Variants in MAP3K20 observed in about 807,000 individuals in gnomAD.
MAP3K20 encodes mitogen-activated protein kinase kinase kinase 20, also known as HCCS-4.
MAP3K20 carries 40 observed loss-of-function variants against 85.7 expected under a neutral mutation model. That is an observed-to-expected ratio of 0.47 (90% CI 0.36 to 0.61). MAP3K20 has a LOEUF of 0.61. Ranked by LOEUF, MAP3K20 falls within the 20% of genes least tolerant of loss-of-function variation. MAP3K20 has a pLI of 0.00. For synonymous variants in MAP3K20, 325 were observed against 327.7 expected (o/e 0.99, Z 0.09); for missense variants, 817 against 961.7 (o/e 0.85, Z 1.99).
At chr2:173,223,711 A>C (rs1236047445) in intron 11 of MAP3K20, 1 of 985,346 alleles carries the variant, frequency 1.0e-6, no homozygotes, top group African/African-American at 1.7e-5. Flanking sequence ...TCTCCCTAAA[A>C]GATGGATTCC....
chr2:173,209,654 G>T (rs1683813354), intron 9 of MAP3K20, 75 bp from the exon 10 acceptor site: 2 of 1,219,076 alleles, frequency 1.6e-6, no homozygotes, highest in Non-Finnish European at 2.3e-6. Flanking sequence ...TACTATGCTT[G>T]TAGTATCTAC....
rs371355803 is a variant in MAP3K20 at position 173,201,984 on chromosome 2, C to T, written c.670-1812C>T. On this transcript the variant is annotated intron_variant, in intron 8 of 19. Transcript: ENST00000375213. ...ATTCAGCCAGCTCACATTCAGTTCT[C>T]AGGAAAATGTTGAGACACAGTTGTA... 4.9e-4 allele frequency among the ~76,000 whole-genome samples: 74 copies of T among 152,272 alleles called. 1 individual carries two copies. The South Asian group carries it at 7.9e-3, about 16-fold the overall frequency.
intron 2 of MAP3K20, among the ~76,000 whole-genome samples, chr2:173,106,936 G>A (rs960921051): frequency 2.0e-5 from 3 of 151,992 alleles, no homozygotes; most frequent in Non-Finnish European, 4.4e-5. Flanking sequence ...TTGTGACTGC[G>A]GCAGGGTGAA....
chr2:173,210,857 C>T (rs542712541), intron 10 of MAP3K20: 1 of 152,230 alleles, frequency 6.6e-6, no homozygotes, highest in East Asian at 1.9e-4. Flanking sequence ...CTAGATACTT[C>T]TTTGGGCTTT....
intron 11 of MAP3K20, chr2:173,226,037 G>A (rs773440324): frequency 3.5e-5 from 34 of 985,242 alleles, no homozygotes; most frequent in South Asian, 4.7e-5. Context: ...GTGAAAAGAC[G>A]TTGAAAGCCT....
intron 2 of MAP3K20, among the ~76,000 whole-genome samples, chr2:173,130,903 C>G (rs939548787): frequency 6.6e-6 from 1 of 152,166 alleles, no homozygotes; most frequent in South Asian, 2.1e-4. Context: ...TAGGATCTAT[C>G]AAAATTCTAC....
chr2:173,232,597 G>A, intron 14 of MAP3K20, 138 bp downstream of exon 14: 2 of 1,293,906 alleles, frequency 1.5e-6, no homozygotes, highest in Non-Finnish European at 2.1e-6. Flanking sequence ...TCCGCCTCCT[G>A]GGTTCAAGTG....
rs1350388554 is a variant in MAP3K20, at chr2:173,191,258, T to C, written c.582+81T>C. 8 of 1,559,512 alleles carry C rather than the reference T, an allele frequency of 5.1e-6. No individual in the cohort carries two copies. In the Admixed American group the frequency reaches 1.3e-4, roughly 26 times the overall value. On this transcript the variant is annotated intron_variant, in intron 7 of 19. Transcript: ENST00000375213. ...AAAAGAAGAGAGATACAGTTTAACA[T>C]GGTTTTATTTTTATTTGAGACTGTA...
At chr2:173,194,990 T>G (rs1690779513) in intron 7 of MAP3K20, among the ~76,000 whole-genome samples, 1 of 152,126 alleles carries the variant, frequency 6.6e-6, no homozygotes, top group South Asian at 2.1e-4. Context: ...TTATGATCCT[T>G]GCTCTTAAGC....
At chr2:173,155,578 A>C (rs1313190652) in intron 2 of MAP3K20, among the ~76,000 whole-genome samples, 2 of 152,240 alleles carry the variant, frequency 1.3e-5, no homozygotes, top group African/African-American at 4.8e-5. Flanking sequence ...CTTTCAATAA[A>C]TGTACAGATC....
At chr2:173,182,781 A>G in intron 3 of MAP3K20, 73 bp from the exon 4 acceptor site, 4 of 1,036,656 alleles carry the variant, frequency 3.9e-6, no homozygotes, top group Non-Finnish European at 5.4e-6. Context: ...TATTTTCTCA[A>G]TGAAAATATA....
chr2:173,149,323 G>A (rs1689228715), intron 2 of MAP3K20, among the ~76,000 whole-genome samples: 1 of 152,062 alleles, frequency 6.6e-6, no homozygotes, highest in Non-Finnish European at 1.5e-5. Context: ...TGGCACCTTG[G>A]GTTGGATCCT....
chr2:173,100,672 C>T (rs1468637274), intron 2 of MAP3K20, among the ~76,000 whole-genome samples: 1 of 152,180 alleles, frequency 6.6e-6, no homozygotes, highest in East Asian at 1.9e-4. Flanking sequence ...ATTGCCCTTT[C>T]TGTAGGGTTC....
intron 9 of MAP3K20, among the ~76,000 whole-genome samples, chr2:173,208,987 A>G (rs2106301808): frequency 6.6e-6 from 1 of 152,364 alleles, no homozygotes; most frequent in African/African-American, 2.4e-5. Flanking sequence ...AGTGAACAGT[A>G]CCTTACAGTG....
rs1690918293 is a variant in MAP3K20, at chr2:173,198,294, T to C, written c.669+182T>C. ...TCATGAATGGACCCTTTACATCTAA[T>C]TGTTGCAGCTTCACGTCGTGATGCT... On this transcript the variant is annotated intron_variant, in intron 8 of 19. Transcript: ENST00000375213. This position sits in a 1 kb window ranked among gnomAD's most constrained non-coding sequence, Gnocchi z 5.8. 1 of 456,532 alleles carries C rather than the reference T, an allele frequency of 2.2e-6. No homozygotes were observed. The highest frequency in any genetic ancestry group is 3.9e-6 in the Non-Finnish European group (1 of 254,590). The allele number at this position is 456,532 out of a possible 1,614,324, so 28.3% of individuals were successfully genotyped here. A position where few individuals can be genotyped will look rare whatever the true frequency, so the allele number is the denominator to read the frequency against.
chr2:173,225,157 C>T (rs1266382358), intron 11 of MAP3K20: 12 of 984,334 alleles, frequency 1.2e-5, no homozygotes, highest in Non-Finnish European at 1.3e-5. Flanking sequence ...TCAACTGGGG[C>T]GGTGCTGTCA....
intron 1 of MAP3K20, chr2:173,090,508 C>A: frequency 2.0e-6 from 1 of 510,478 alleles, no homozygotes; most frequent in Non-Finnish European, 2.5e-6. Context: ...GTTCAGTTTG[C>A]AGCCGTTTGG....
chr2:173,175,685 A>C (rs1420319362), intron 3 of MAP3K20, among the ~76,000 whole-genome samples: 1 of 152,208 alleles, frequency 6.6e-6, no homozygotes, highest in East Asian at 1.9e-4. Flanking sequence ...TCAAAAGTTT[A>C]AATAAGATGT....
At chr2:173,148,823 A>T (rs1485523510) in intron 2 of MAP3K20, among the ~76,000 whole-genome samples, 1 of 152,156 alleles carries the variant, frequency 6.6e-6, no homozygotes, top group Non-Finnish European at 1.5e-5. Context: ...TATAGCTCTG[A>T]GGTGTGAGAT....
Sources: gnomAD v4.1 joint callset for allele counts (sites outside exome capture counted in the v4.1 genomes callset) on GRCh38, gnomAD v4.1.1 for gene constraint, Gnocchi (gnomAD v3.1) non-coding constraint, MANE v1.5 for transcripts, NCBI Gene and HGNC (gene_info 2026-07-23, HGNC 2026-07-21) for gene names.